Variants in PCDHA7 observed in about 807,000 individuals in gnomAD.
PCDHA7 encodes protocadherin alpha-7.
Under a neutral mutation model 57.2 loss-of-function variants are expected in PCDHA7, and 37 were observed. The observed-to-expected ratio is 0.65, with a 90% CI of 0.50 to 0.85. The LOEUF (loss-of-function observed/expected upper bound fraction) is 0.85. Ranked by LOEUF, PCDHA7 falls within the 40% of genes least tolerant of loss-of-function variation. The pLI, the probability that PCDHA7 is intolerant of heterozygous loss-of-function variation, is 0.00. For missense variants in PCDHA7, 1,188 were observed against 1,241.8 expected, an observed-to-expected ratio of 0.96 and a Z score of 0.65; for synonymous variants, 553 against 558.8, an observed-to-expected ratio of 0.99 and a Z score of 0.15.
chr5:140,875,313 C>T, intron 1 of PCDHA7: 3 of 1,425,730 alleles, frequency 2.1e-6, no homozygotes, highest in Non-Finnish European at 9.1e-7. Flanking sequence ...CACCCACATT[C>T]CAATCATTCA....
intron 1 of PCDHA7, chr5:140,882,820 C>G (rs782663593): frequency 1.2e-6 from 2 of 1,614,102 alleles, no homozygotes; most frequent in African/African-American, 2.7e-5. Flanking sequence ...ACGCACAAAA[C>G]AGTCTTGAGC....
intron 1 of PCDHA7, chr5:140,926,863 G>A: frequency 1.3e-6 from 2 of 1,523,054 alleles, no homozygotes; most frequent in Non-Finnish European, 8.8e-7. Flanking sequence ...GGTGTAGCGT[G>A]TTGGTGGAAC....
At chr5:140,886,899 A>G (rs1054848231) in intron 1 of PCDHA7, among the ~76,000 whole-genome samples, 1 of 152,020 alleles carries the variant, frequency 6.6e-6, no homozygotes, top group Admixed American at 6.6e-5. Flanking sequence ...AATGCATTTA[A>G]TAAATACTTA....
At chr5:140,838,344 G>A (rs1185722843) in intron 1 of PCDHA7, among the ~76,000 whole-genome samples, 1 of 148,412 alleles carries the variant, frequency 6.7e-6, no homozygotes, top group African/African-American at 2.5e-5. Context: ...GGCTGGTCTC[G>A]AAATCTGGGA....
In PCDHA7 at chr5:140,858,243, C is replaced by T. The variant is rs781796341; in HGVS notation, c.2355+21505C>T. On this transcript the variant is annotated intron_variant, in intron 1 of 3. Transcript: ENST00000525929. ...GCGCCCACCGAGGGCGCATGTGGGC[C>T]GGTGAAGCCCACGCTGGTGTGCTCT... The T allele has an allele frequency of 6.9e-6, 11 of 1,595,896 alleles. No homozygotes were observed. The highest frequency in any genetic ancestry group is 6.9e-6 in the Non-Finnish European group (8 of 1,165,828).
intron 1 of PCDHA7, chr5:140,882,442 G>A (rs1554174153): frequency 6.2e-7 from 1 of 1,613,948 alleles, no homozygotes; most frequent in African/African-American, 1.3e-5. Context: ...AGCTGGCGGA[G>A]CTGGTGCCGC....
At chr5:140,845,504 C>T (rs1210471805) in intron 1 of PCDHA7, among the ~76,000 whole-genome samples, 1 of 149,510 alleles carries the variant, frequency 6.7e-6, no homozygotes, top group Non-Finnish European at 1.5e-5. Flanking sequence ...AAGTCTAAAC[C>T]TATTTCTTGT....
chr5:140,969,700 A>G (rs2096354004), intron 1 of PCDHA7, among the ~76,000 whole-genome samples: 1 of 152,178 alleles, frequency 6.6e-6, no homozygotes. Context: ...CCTCTGCTGT[A>G]TCATCTACAG....
intron 1 of PCDHA7, among the ~76,000 whole-genome samples, chr5:140,844,768 A>T (rs1393126027): frequency 6.7e-6 from 1 of 149,242 alleles, no homozygotes; most frequent in African/African-American, 2.5e-5. Context: ...AAAATCCAAG[A>T]TACTTTATTT....
At chr5:140,975,364 C>G (rs2096664243) in intron 1 of PCDHA7, among the ~76,000 whole-genome samples, 1 of 152,204 alleles carries the variant, frequency 6.6e-6, no homozygotes, top group South Asian at 2.1e-4. Flanking sequence ...TGCTACATAG[C>G]ATAATGTAAT....
chr5:140,854,310 T>C (rs2043072998), intron 1 of PCDHA7: 2 of 329,758 alleles, frequency 6.1e-6, no homozygotes, highest in Non-Finnish European at 8.7e-6. Context: ...GTGGAGATGA[T>C]TGATCAATGG....
chr5:140,866,156 GAA>G (rs1441624325), intron 1 of PCDHA7: 1 of 152,104 alleles, frequency 6.6e-6, no homozygotes, highest in Admixed American at 6.5e-5. Flanking sequence ...ATATAAGTAA[GAA>G]TCGTTTAACA....
Position 140,927,704 on chromosome 5 carries a change from C to T in PCDHA7, c.2356-51245C>T, listed in dbSNP as rs782172290. ...GGGTCCAATGGGGAAGTCCAGTACT[C>T]CCTAAGCAACAGCACGCAAGCAGAG... On this transcript the variant is annotated intron_variant, in intron 1 of 3. Coordinates refer to ENST00000525929, the MANE Select transcript of PCDHA7 (RefSeq NM_018910.3). 6.2e-6 allele frequency: 10 copies of T among 1,614,072 alleles called. No homozygotes were observed. In the Admixed American group the frequency reaches 1.2e-4, roughly 19 times the overall value.
intron 1 of PCDHA7, chr5:140,871,036 C>T: frequency 6.2e-7 from 1 of 1,613,274 alleles, no homozygotes; most frequent in Non-Finnish European, 8.5e-7. Context: ...GCCGCGCCAC[C>T]GACTTCTAGT....
chr5:141,005,463 G>A (rs2098214977), intron 3 of PCDHA7, among the ~76,000 whole-genome samples: 1 of 151,944 alleles, frequency 6.6e-6, no homozygotes. Context: ...CAGCACTTTG[G>A]GAGGCCGAGA....
intron 1 of PCDHA7, among the ~76,000 whole-genome samples, chr5:140,942,620 A>T (rs1304224304): frequency 1.4e-4 from 4 of 28,710 alleles, no homozygotes; most frequent in Admixed American, 3.3e-4. Context: ...TGCCAATTGT[A>T]AAAAAAAAAA....
At chr5:140,915,825 C>T (rs1272581051) in intron 1 of PCDHA7, among the ~76,000 whole-genome samples, 1 of 152,118 alleles carries the variant, frequency 6.6e-6, no homozygotes, top group Non-Finnish European at 1.5e-5. Flanking sequence ...GGCCCTAGGG[C>T]TCTAAGATCA....
intron 1 of PCDHA7, chr5:140,870,818 C>A: frequency 6.2e-7 from 1 of 1,613,692 alleles, no homozygotes; most frequent in Non-Finnish European, 8.5e-7. Context: ...GCTGGCAGCG[C>A]GGGAGGCGCA....
At chr5:140,971,376 C>CT (rs1334633165) in intron 1 of PCDHA7, among the ~76,000 whole-genome samples, 1 of 152,164 alleles carries the variant, frequency 6.6e-6, no homozygotes, top group Non-Finnish European at 1.5e-5. Context: ...GAGTGCATGA[C>CT]TTTAATAAAG....
Sources: allele counts gnomAD v4.1 joint callset (sites outside exome capture counted in the v4.1 genomes callset), GRCh38; gene constraint gnomAD v4.1.1; transcripts MANE v1.5; gene names NCBI Gene and HGNC (gene_info 2026-07-23, HGNC 2026-07-21).